CUX2: variants seen among roughly 807,000 people sequenced by gnomAD.
CUX2 encodes homeobox protein cut-like 2.
In CUX2, 40 loss-of-function variants were observed where a neutral mutation model predicts 144.8. The observed-to-expected ratio is 0.28, with a 90% confidence interval of 0.21 to 0.36. The LOEUF is 0.36. Among genes scored for constraint, CUX2 ranks in the 10% least tolerant of loss-of-function variants. The pLI is 1.00. For missense variants in CUX2, 1,615 were observed against 1,994.0 expected, an observed-to-expected ratio of 0.81 and a Z score of 3.62; for synonymous variants, 827 against 875.6, an observed-to-expected ratio of 0.94 and a Z score of 0.98.
At chr12:111,133,452 A>G (rs981023634) in intron 1 of CUX2, among the ~76,000 whole-genome samples, 1 of 152,246 alleles carries the variant, frequency 6.6e-6, no homozygotes, top group South Asian at 2.1e-4. Context: ...GCAAGAGAAA[A>G]AAAATGAAGA....
rs2136372389 is a variant in CUX2, at chr12:111,310,005, C to CCTCT, written c.1259-36_1259-35insCTCT. On this transcript the variant is annotated intron_variant, in intron 14 of 21. Coordinates refer to ENST00000261726, the MANE Select transcript of CUX2 (RefSeq NM_015267.4). The surrounding 1 kb of genome is among the most constrained non-coding windows in gnomAD (Gnocchi z 7.9). ...TCTCTCCCCTCATCATCGTCTTCCC[C>CCTCT]GTCTGTCTGTCTGTCTGTCTGTCTG... The CCTCT allele has an allele frequency of 3.9e-6, 5 of 1,266,182 alleles. No homozygotes were observed. The highest frequency in any genetic ancestry group is 2.0e-4 in the Middle Eastern group (1 of 4,958). 78.4% of individuals were successfully genotyped at this position (1,266,182 alleles called of 1,614,324 possible). A position where few individuals can be genotyped will look rare whatever the true frequency, so the allele number is the denominator to read the frequency against.
intron 4 of CUX2, among the ~76,000 whole-genome samples, chr12:111,266,169 A>G (rs993078116): frequency 1.1e-4 from 16 of 152,142 alleles, no homozygotes; most frequent in African/African-American, 4.8e-5. Flanking sequence ...CCTAAATCCA[A>G]TGACTGGTGT....
rs914715186 is a variant in CUX2 at position 111,186,586 on chromosome 12, G to A, written c.64-27614G>A. On this transcript the variant is annotated intron_variant, in intron 1 of 21. Transcript: ENST00000261726. This position sits in a 1 kb window ranked among gnomAD's most constrained non-coding sequence, Gnocchi z 4.4. ...AGAGAGAGAAGGGCGACTCTGTGGC[G>A]TGAGGCTCGCAGCTGCACAGAGGCA... 3.9e-5 allele frequency among the ~76,000 whole-genome samples: 6 copies of A among 152,296 alleles called. No individual in the cohort carries two copies. Among genetic ancestry groups the A allele is most frequent in the South Asian group, 2.1e-4 (1 of 4,816 alleles).
chr12:111,123,163 T>C (rs1874797962), intron 1 of CUX2, among the ~76,000 whole-genome samples: 1 of 152,180 alleles, frequency 6.6e-6, no homozygotes, highest in Non-Finnish European at 1.5e-5. Context: ...AAATAGCTAA[T>C]GCTTACCCGG....
rs572565778 is a variant in CUX2 at position 111,220,453 on chromosome 12, G to A, written c.222+2516G>A. On this transcript the variant is annotated intron_variant, in intron 3 of 21. Coordinates refer to ENST00000261726, the MANE Select transcript of CUX2 (RefSeq NM_015267.4). ...GAAATCCTAGGTTTGGGTGATGTTCGGGAGAAGACCTGACTGAAGCATGGT... is the reference window on the plus strand; with the variant it reads ...GAAATCCTAGGTTTGGGTGATGTTCAGGAGAAGACCTGACTGAAGCATGGT... 2.2e-4 allele frequency among the ~76,000 whole-genome samples: 34 copies of A among 152,070 alleles called. 1 individual carries two copies. The South Asian group carries it at 4.2e-3, about 19-fold the overall frequency.
chr12:111,119,339 A>C (rs1874488771), intron 1 of CUX2, among the ~76,000 whole-genome samples: 1 of 152,060 alleles, frequency 6.6e-6, no homozygotes, highest in Non-Finnish European at 1.5e-5. Context: ...ATGGTGGCTC[A>C]TTACCTGTAA....
chr12:111,095,730 T>A (rs527875489), intron 1 of CUX2, among the ~76,000 whole-genome samples: 1 of 152,324 alleles, frequency 6.6e-6, no homozygotes, highest in Admixed American at 6.5e-5. Flanking sequence ...GCTGTTCTTA[T>A]TAAAATTGTA....
intron 1 of CUX2, among the ~76,000 whole-genome samples, chr12:111,140,138 G>T (rs1876206494): frequency 6.6e-6 from 1 of 152,148 alleles, no homozygotes; most frequent in Non-Finnish European, 1.5e-5. Context: ...GTTCCTTAAA[G>T]ACATTTTTTC....
At chr12:111,329,912 C>G (rs1436316640) in intron 18 of CUX2, among the ~76,000 whole-genome samples, 2 of 152,216 alleles carry the variant, frequency 1.3e-5, no homozygotes, top group African/African-American at 4.8e-5. Flanking sequence ...GCAGGGATTA[C>G]AGGCGTGAGC....
chr12:111,195,610 C>G (rs1356443923), intron 1 of CUX2, among the ~76,000 whole-genome samples: 1 of 152,206 alleles, frequency 6.6e-6, no homozygotes, highest in Non-Finnish European at 1.5e-5. Flanking sequence ...CACGCTCTGT[C>G]CTTGAGCTGG....
intron 16 of CUX2, among the ~76,000 whole-genome samples, chr12:111,315,923 C>T (rs1204258436): frequency 3.3e-5 from 5 of 152,106 alleles, no homozygotes; most frequent in Non-Finnish European, 7.3e-5. Flanking sequence ...TACACTTCCA[C>T]ATATCGAGTA....
At chr12:111,133,823 G>A (rs774742679) in intron 1 of CUX2, among the ~76,000 whole-genome samples, 8 of 152,248 alleles carry the variant, frequency 5.3e-5, no homozygotes, top group African/African-American at 1.9e-4. Context: ...AGTAGGACGT[G>A]GAGAGGCCAC....
intron 16 of CUX2, among the ~76,000 whole-genome samples, chr12:111,317,980 A>C (rs1195605227): frequency 1.3e-5 from 2 of 151,568 alleles, no homozygotes; most frequent in African/African-American, 4.9e-5. Context: ...AGCCTGGGCA[A>C]CAGAACAAGA....
Position 111,075,217 on chromosome 12 carries a change from C to T in CUX2, c.63+40977C>T, listed in dbSNP as rs1027276101. 7.2e-5 allele frequency among the ~76,000 whole-genome samples: 11 copies of T among 152,174 alleles called. No individual in the cohort carries two copies. In the East Asian group the frequency reaches 2.1e-3, roughly 29 times the overall value. On this transcript the variant is annotated intron_variant, in intron 1 of 21. Coordinates refer to ENST00000261726, the MANE Select transcript of CUX2 (RefSeq NM_015267.4). ...GCCAGGCACCCCTGGAGCCGTCAGACCGCAGCCAACTAGGCGGGCCGACCC... is the reference window on the plus strand; with the variant it reads ...GCCAGGCACCCCTGGAGCCGTCAGATCGCAGCCAACTAGGCGGGCCGACCC...
intron 3 of CUX2, among the ~76,000 whole-genome samples, chr12:111,251,732 C>A (rs1883569364): frequency 6.6e-6 from 1 of 152,158 alleles, no homozygotes; most frequent in Non-Finnish European, 1.5e-5. Flanking sequence ...GTTCCTCTTC[C>A]TGCAGACCCT....
intron 1 of CUX2, among the ~76,000 whole-genome samples, chr12:111,090,012 C>G (rs1021481008): frequency 1.2e-4 from 19 of 152,270 alleles, no homozygotes; most frequent in African/African-American, 4.3e-4. Flanking sequence ...CTCTGGCCAT[C>G]ATGTGCAGTG....
intron 1 of CUX2, among the ~76,000 whole-genome samples, chr12:111,145,857 T>G (rs1439928699): frequency 7.2e-6 from 1 of 139,640 alleles, no homozygotes; most frequent in African/African-American, 3.2e-5. Context: ...TTGTTTGTTT[T>G]TGTTTTGTTT....
intron 1 of CUX2, among the ~76,000 whole-genome samples, chr12:111,131,153 C>A (rs1168440715): frequency 6.6e-6 from 1 of 152,160 alleles, no homozygotes; most frequent in East Asian, 1.9e-4. Context: ...GCTGCGGTGG[C>A]CTCAGAATCA....
chr12:111,059,537 A>T lies in CUX2; in HGVS notation c.63+25297A>T, dbSNP rs537601450. Among the ~76,000 whole-genome samples the T allele has an allele frequency of 1.1e-4, 16 of 152,212 alleles. 1 individual carries two copies. The highest frequency in any genetic ancestry group is 3.1e-4 in the African/African-American group (13 of 41,538). ...GTTTCCCTCACCTTCCAAATGGGGC[A>T]CGTGACTCTTCTGACTTTCCTAGGT... is the stretch of plus-strand genomic sequence containing the variant. On this transcript the variant is annotated intron_variant, in intron 1 of 21. Transcript: ENST00000261726. This position sits in a 1 kb window ranked among gnomAD's most constrained non-coding sequence, Gnocchi z 5.3.
Sources: gnomAD v4.1 joint callset for allele counts (sites outside exome capture counted in the v4.1 genomes callset) on GRCh38, gnomAD v4.1.1 for gene constraint, Gnocchi (gnomAD v3.1) non-coding constraint, MANE v1.5 for transcripts, NCBI Gene and HGNC (gene_info 2026-07-23, HGNC 2026-07-21) for gene names.